ULK1: variants seen among roughly 807,000 people sequenced by gnomAD.
ULK1 encodes unc-51 like autophagy activating kinase 1.
ULK1 carries 48 observed loss-of-function variants against 117.5 expected under a neutral mutation model. The observed-to-expected ratio is 0.41, with a 90% CI of 0.32 to 0.52. The LOEUF (loss-of-function observed/expected upper bound fraction) is 0.52. Among genes scored for constraint, ULK1 ranks in the 20% least tolerant of loss-of-function variants. The probability of loss-of-function intolerance (pLI) is 0.29; values close to 1 mark genes in which losing one functional copy is unlikely to be tolerated. For missense variants in ULK1, 1,387 were observed against 1,473.4 expected (o/e 0.94, Z 0.96); for synonymous variants, 790 against 637.8 (o/e 1.24, Z -3.60).
chr12:131,895,929 G>A, intron 3 of ULK1, 105 bp downstream of exon 3: 1 of 1,459,084 alleles, frequency 6.9e-7, no homozygotes, highest in Non-Finnish European at 9.5e-7. Context: ...CCAGGCTGGG[G>A]TCTACTGGGC....
intron 19 of ULK1, 96 bp from the exon 20 acceptor site, chr12:131,916,302 C>A: frequency 6.6e-7 from 1 of 1,512,256 alleles, no homozygotes; most frequent in Non-Finnish European, 8.9e-7. Flanking sequence ...CTCCCACATG[C>A]CTGCCAGTTC....
chr12:131,915,022 C>T, intron 16 of ULK1, 61 bp from the exon 17 acceptor site: 1 of 1,505,636 alleles, frequency 6.6e-7, no homozygotes, highest in South Asian at 1.4e-5. Flanking sequence ...AGGTCCTCTG[C>T]CGTCCACAGG....
At chr12:131,896,078 C>T (rs1267352241) in intron 3 of ULK1, among the ~76,000 whole-genome samples, 1 of 152,148 alleles carries the variant, frequency 6.6e-6, no homozygotes, top group Non-Finnish European at 1.5e-5. Context: ...AACAGGCATC[C>T]CCTCCCCGCC....
intron 23 of ULK1, 136 bp from the exon 24 acceptor site, chr12:131,919,076 C>A: frequency 1.0e-6 from 1 of 976,046 alleles, no homozygotes; most frequent in Middle Eastern, 3.3e-4. Context: ...GGGCGTGGCA[C>A]ATCCCAGCTG....
rs1889908415 is a variant in ULK1, at chr12:131,917,492, C to T, written c.2264C>T (p.Thr755Ile). Residue 755 changes from threonine to isoleucine, a missense_variant, in exon 22 of 28, where the codon ACC becomes ATC. This residue lies in a region of ULK1 where 900 missense variants were observed against 858.9 expected (regional missense o/e 1.05). Coordinates refer to ENST00000321867, the MANE Select transcript of ULK1 (RefSeq NM_003565.4). ...GTSSPSPVVF[T>I]VGSPPSGSTP... ...AGCAGCCCTTCCCCGGTGGTCTTCACCGTGGGCTCTCCCCCGAGCGGGAGC... is the reference window on the plus strand; with the variant it reads ...AGCAGCCCTTCCCCGGTGGTCTTCATCGTGGGCTCTCCCCCGAGCGGGAGC... The T allele has an allele frequency of 6.7e-7, 1 of 1,498,702 alleles. No homozygotes were observed. The highest frequency in any genetic ancestry group is 1.3e-5 in the South Asian group (1 of 76,144). 92.8% of individuals were successfully genotyped at this position (1,498,702 alleles called of 1,614,324 possible). A position where few individuals can be genotyped will look rare whatever the true frequency, so the allele number is the denominator to read the frequency against.
intron 3 of ULK1, among the ~76,000 whole-genome samples, chr12:131,899,436 C>G (rs1431842770): frequency 6.6e-6 from 1 of 152,110 alleles, no homozygotes; most frequent in Non-Finnish European, 1.5e-5. Context: ...GATCCGCCCA[C>G]ATCGGCCTCC....
In ULK1 at chr12:131,921,492, C is replaced by G. The variant is rs1028230905; in HGVS notation, c.*131C>G. The stretch of plus-strand genomic sequence containing the variant: ...TGAGCCCTGCCCTGGGCCCCACGGA[C>G]AGTCAGCCTGCCGGCCTCCCTGCAG... On this transcript the variant is annotated 3_prime_UTR_variant, in exon 28 of 28. Coordinates refer to ENST00000321867, the MANE Select transcript of ULK1 (RefSeq NM_003565.4). 7.2e-6 allele frequency: 10 copies of G among 1,391,400 alleles called. No individual in the cohort carries two copies. In the African/African-American group the frequency reaches 1.3e-4, roughly 18 times the overall value. 86.2% of individuals were successfully genotyped at this position (1,391,400 alleles called of 1,614,324 possible).
chr12:131,908,976 G>A lies in ULK1; in HGVS notation c.564+5G>A. On this transcript the variant is annotated splice_donor_5th_base_variant and intron_variant, in intron 7 of 27. Coordinates refer to ENST00000321867, the MANE Select transcript of ULK1 (RefSeq NM_003565.4). ...TGCGGCTCCCCCATGTACATGGTGT[G>A]TTTACCTTGGCCGGGCTGTGCCGGG... 1 of 1,612,878 alleles carries A rather than the reference G, an allele frequency of 6.2e-7. No individual in the cohort carries two copies.
Position 131,895,828 on chromosome 12 carries a change from A to G in ULK1, c.246+4A>G, listed in dbSNP as rs1257280042. The G allele has an allele frequency of 6.2e-7, 1 of 1,614,122 alleles. No individual in the cohort carries two copies. Reference sequence around the variant, plus strand: ...CGTGGCCCTGTACGACTTCCAGGTAAGGCCTCTGGGCTGCGGTCTGCTGGG... The same window carrying G: ...CGTGGCCCTGTACGACTTCCAGGTAGGGCCTCTGGGCTGCGGTCTGCTGGG... On this transcript the variant is annotated splice_donor_region_variant and intron_variant, in intron 3 of 27. Coordinates refer to ENST00000321867, the MANE Select transcript of ULK1 (RefSeq NM_003565.4).
intron 11 of ULK1, 94 bp downstream of exon 11, chr12:131,910,398 A>G: frequency 6.4e-7 from 1 of 1,559,806 alleles, no homozygotes; most frequent in Non-Finnish European, 8.8e-7. Context: ...GGGCAGAGGG[A>G]GCAGGTCTTG....
chr12:131,910,648 T>C, intron 11 of ULK1, 64 bp from the exon 12 acceptor site: 2 of 1,612,562 alleles, frequency 1.2e-6, no homozygotes, highest in Non-Finnish European at 1.7e-6. Flanking sequence ...AGTCTGTGGG[T>C]TGGCTCGAGG....
chr12:131,916,227 T>A lies in ULK1; in HGVS notation c.1878+68T>A, dbSNP rs139927116. 6,597 of 1,569,422 alleles carry A rather than the reference T, an allele frequency of 4.2e-3. 20 individuals are homozygous for A. The highest frequency in any genetic ancestry group is 5.3e-3 in the Non-Finnish European group (6,110 of 1,157,556). On this transcript the variant is annotated intron_variant, in intron 19 of 27. Coordinates refer to ENST00000321867, the MANE Select transcript of ULK1 (RefSeq NM_003565.4). ...GAAGATGTGTGGGAATGGCCAGTCCTGAACAAAGACCGAGGAAGGCAGCTC... is the reference window on the plus strand; with the variant it reads ...GAAGATGTGTGGGAATGGCCAGTCCAGAACAAAGACCGAGGAAGGCAGCTC...
At chr12:131,920,801 C>T (rs554498133) in intron 26 of ULK1, 2 of 399,468 alleles carry the variant, frequency 5.0e-6, no homozygotes, top group Non-Finnish European at 4.5e-6. Context: ...CTCCTGCCCC[C>T]CTTCCCGCCC....
rs769057532 is a variant in ULK1, at chr12:131,910,753, G to C, written c.901G>C (p.Gly301Arg). 6.2e-7 allele frequency: 1 copy of C among 1,612,830 alleles called. No homozygotes were observed. Among genetic ancestry groups the C allele is most frequent in the African/African-American group, 1.3e-5 (1 of 75,026 alleles). Residue 301 changes from glycine to arginine, a missense_variant, in exon 12 of 28, where the codon GGC (glycine) becomes CGC (arginine). Gly to Arg is a moderately radical substitution (Grantham distance 125, BLOSUM62 -2). Around this residue, in one of 4 missense-constraint regions of ULK1, gnomAD observed 260 missense variants for 271.6 expected, o/e 0.96. Transcript: ENST00000321867. Reference protein sequence around the residue: ...PVPSYPSSGSGSSSSSSSTSH... With the variant: ...PVPSYPSSGSRSSSSSSSTSH... ...GCCCTCGTACCCAAGCTCGGGGTCC[G>C]GCAGCAGCTCCAGCAGCAGCTCCAC...
At position 131,920,082 on chromosome 12, in the gene ULK1, C is replaced by T. The variant is rs747942219; in HGVS notation, c.2907C>T (p.Asp969=). 2.5e-6 allele frequency: 4 copies of T among 1,612,698 alleles called. No homozygotes were observed. The highest frequency in any genetic ancestry group is 1.7e-6 in the Non-Finnish European group (2 of 1,179,960). The change falls in exon 26 of 28, where the codon GAC becomes GAT. Residue 969 remains aspartate, a synonymous_variant. Coordinates refer to ENST00000321867, the MANE Select transcript of ULK1 (RefSeq NM_003565.4). The stretch of plus-strand genomic sequence containing the variant: ...TCCTGGACAAGCAGCGGCTCCTGGA[C>T]CGCATTCACAGCATCACTGCCGAGA... ...RFFLDKQRLL[D]RIHSITAERL...
At position 131,923,070 on chromosome 12, in the gene ULK1, A is replaced by G. The variant is rs1890219324; in HGVS notation, c.*1709A>G. ...TAGTGCTGGACCCTTTGTCTATTTTAAAGCGAATTTTGTGTGATTTCCTGC... is the reference window on the plus strand; with the variant it reads ...TAGTGCTGGACCCTTTGTCTATTTTGAAGCGAATTTTGTGTGATTTCCTGC... On this transcript the variant is annotated 3_prime_UTR_variant, in exon 28 of 28. Transcript: ENST00000321867. 1 of 152,256 alleles carries G rather than the reference A, an allele frequency of 6.6e-6. No individual in the cohort carries two copies. The highest frequency in any genetic ancestry group is 2.4e-5 in the African/African-American group (1 of 41,464). The allele number at this position is 152,256 out of a possible 1,614,324, so 9.4% of individuals were successfully genotyped here.
At chr12:131,911,741 G>A (rs920333957) in intron 12 of ULK1, among the ~76,000 whole-genome samples, 1 of 152,190 alleles carries the variant, frequency 6.6e-6, no homozygotes, top group African/African-American at 2.4e-5. Flanking sequence ...CTGTCCCTGC[G>A]AGGTCAAAGC....
rs1889787181 is a variant in ULK1 at position 131,916,444 on chromosome 12, T to C, written c.1925T>C (p.Leu642Pro). ...CCGAAGACCCCCAGCTCCCAGAACC[T>C]GCTGGCCCTCCTAGCCCGGCAGGGC... ...DFPKTPSSQN[L>P]LALLARQGVV... The change falls in exon 20 of 28, where the codon CTG (leucine) becomes CCG (proline). Residue 642 changes from leucine (L) to proline (P), a missense_variant. Around this residue, in one of 4 missense-constraint regions of ULK1, gnomAD observed 900 missense variants for 858.9 expected, o/e 1.05. Transcript: ENST00000321867. 1 of 1,609,136 alleles carries C rather than the reference T, an allele frequency of 6.2e-7. No homozygotes were observed. Among genetic ancestry groups the C allele is most frequent in the Non-Finnish European group, 8.5e-7 (1 of 1,178,468 alleles).
chr12:131,910,598 G>A, intron 11 of ULK1, 114 bp from the exon 12 acceptor site: 1 of 1,601,874 alleles, frequency 6.2e-7, no homozygotes, highest in Non-Finnish European at 8.5e-7. Flanking sequence ...TGCTGGTCGG[G>A]GTGTAGCCGG....
Sources: gnomAD v4.1 joint callset for allele counts (sites outside exome capture counted in the v4.1 genomes callset) on GRCh38, gnomAD v4.1.1 for gene constraint, gnomAD v4.1.1 regional missense constraint, MANE v1.5 for transcripts, NCBI Gene and HGNC (gene_info 2026-07-23, HGNC 2026-07-21) for gene names.